Variants in ZNF277 observed in about 807,000 individuals in gnomAD.
ZNF277 encodes nuclear receptor-interacting factor 4.
ZNF277 carries 55 observed loss-of-function variants against 60.7 expected under a neutral mutation model. That is an observed-to-expected ratio of 0.91 (90% CI 0.73 to 1.13). The LOEUF is 1.13. ZNF277 is among the 50% of genes most tolerant of loss of function. The pLI, the probability that ZNF277 is intolerant of heterozygous loss-of-function variation, is 0.00. For synonymous variants in ZNF277, 178 were observed against 179.3 expected, an observed-to-expected ratio of 0.99 and a Z score of 0.06; for missense variants, 510 against 523.0, an observed-to-expected ratio of 0.98 and a Z score of 0.24.
chr7:112,319,551 G>A (rs2117113567), intron 5 of ZNF277, among the ~76,000 whole-genome samples: 1 of 151,444 alleles, frequency 6.6e-6, no homozygotes, highest in African/African-American at 2.4e-5. Flanking sequence ...GCAGTCTTTA[G>A]TGAAAACATA....
intron 8 of ZNF277, among the ~76,000 whole-genome samples, chr7:112,337,516 T>A (rs1232796641): frequency 6.6e-6 from 1 of 152,208 alleles, no homozygotes; most frequent in African/African-American, 2.4e-5. Flanking sequence ...GAACAGCACC[T>A]GTTCACTATG....
chr7:112,230,184 T>G (rs1822285253), intron 1 of ZNF277, among the ~76,000 whole-genome samples: 1 of 152,102 alleles, frequency 6.6e-6, no homozygotes, highest in Non-Finnish European at 1.5e-5. Flanking sequence ...CTCAGCACTC[T>G]GGGAGGCCAA....
At position 112,319,943 on chromosome 7, in the gene ZNF277, A is replaced by G. The variant is rs952239673; in HGVS notation, c.557+1670A>G. Reference sequence around the variant, plus strand: ...GCCACCATCAGAAAATTTACCAAACATTACTACTGACAATGTTTTAACAAA... The same window carrying G: ...GCCACCATCAGAAAATTTACCAAACGTTACTACTGACAATGTTTTAACAAA... On this transcript the variant is annotated intron_variant, in intron 5 of 11. Transcript: ENST00000361822. 1.4e-4 allele frequency among the ~76,000 whole-genome samples: 22 copies of G among 152,072 alleles called. No homozygotes were observed. The East Asian group carries it at 3.9e-3, about 27-fold the overall frequency.
At chr7:112,302,305 C>T (rs1277561107) in intron 4 of ZNF277, among the ~76,000 whole-genome samples, 1 of 152,062 alleles carries the variant, frequency 6.6e-6, no homozygotes, top group African/African-American at 2.4e-5. Context: ...GTATCTCCCA[C>T]TGAGAAGATT....
chr7:112,221,557 T>C (rs1174977455), intron 1 of ZNF277, among the ~76,000 whole-genome samples: 1 of 152,158 alleles, frequency 6.6e-6, no homozygotes, highest in African/African-American at 2.4e-5. Context: ...ATTATTAATA[T>C]TTACCATGAT....
rs754636532 is a variant in ZNF277, at chr7:112,296,227, A to G, written c.383-2A>G. On this transcript the variant is annotated splice_acceptor_variant, in intron 3 of 11. Coordinates refer to ENST00000361822, the MANE Select transcript of ZNF277 (RefSeq NM_021994.3). LOFTEE classifies it high-confidence loss of function. ...TTATTTGTTTTCCTAATCTCTCAAC[A>G]GAAGAACAAGAGAATTATTTTTTGT... 1.0e-5 allele frequency: 16 copies of G among 1,556,264 alleles called. No homozygotes were observed. Among genetic ancestry groups the G allele is most frequent in the Non-Finnish European group, 5.2e-6 (6 of 1,142,890 alleles).
intron 7 of ZNF277, among the ~76,000 whole-genome samples, chr7:112,335,399 G>A (rs1320368653): frequency 1.3e-5 from 2 of 152,088 alleles, no homozygotes; most frequent in South Asian, 4.1e-4. Context: ...AAAGAATTGG[G>A]CCAAAATAAA....
intron 4 of ZNF277, among the ~76,000 whole-genome samples, chr7:112,312,940 T>C (rs1273632060): frequency 6.6e-6 from 1 of 152,152 alleles, no homozygotes; most frequent in Non-Finnish European, 1.5e-5. Flanking sequence ...ATATTTAAAA[T>C]ATTTTTTTCA....
chr7:112,293,524 G>T (rs907385152), intron 2 of ZNF277, among the ~76,000 whole-genome samples: 1 of 149,958 alleles, frequency 6.7e-6, no homozygotes, highest in Non-Finnish European at 1.5e-5. Flanking sequence ...AGGTTGCAGA[G>T]AGCTGAGATC....
intron 4 of ZNF277, among the ~76,000 whole-genome samples, chr7:112,300,043 T>G (rs920153427): frequency 1.1e-4 from 16 of 152,216 alleles, no homozygotes; most frequent in African/African-American, 3.6e-4. Context: ...CCTATACTCC[T>G]AAGTTCATAT....
chr7:112,274,079 G>C (rs1338520688), intron 1 of ZNF277, among the ~76,000 whole-genome samples: 1 of 151,484 alleles, frequency 6.6e-6, no homozygotes, highest in Non-Finnish European at 1.5e-5. Context: ...AAAAGTTTGA[G>C]AAATTCACAT....
At chr7:112,334,402 CT>C (rs534868007) in intron 7 of ZNF277, among the ~76,000 whole-genome samples, 2,125 of 121,106 alleles carry the variant, frequency 0.018, 28 homozygotes, top group African/African-American at 0.052. Flanking sequence ...GAGTTATGTG[CT>C]TTTTTTTTTT....
intron 1 of ZNF277, among the ~76,000 whole-genome samples, chr7:112,212,172 T>G (rs1821766739): frequency 6.6e-6 from 1 of 152,252 alleles, no homozygotes; most frequent in Non-Finnish European, 1.5e-5. Flanking sequence ...AATTACATTT[T>G]TTAAAAGAAT....
intron 1 of ZNF277, among the ~76,000 whole-genome samples, chr7:112,258,141 G>A (rs1304272370): frequency 1.3e-5 from 2 of 152,086 alleles, no homozygotes; most frequent in Non-Finnish European, 2.9e-5. Context: ...AAATATATCA[G>A]TGAGGTAAAT....
At chr7:112,335,465 G>C (rs1793310857) in intron 7 of ZNF277, among the ~76,000 whole-genome samples, 1 of 152,118 alleles carries the variant, frequency 6.6e-6, no homozygotes, top group Non-Finnish European at 1.5e-5. Context: ...AGGCTTGCCA[G>C]ACATAGCGCC....
At chr7:112,306,445 C>A (rs948502161) in intron 4 of ZNF277, among the ~76,000 whole-genome samples, 7 of 152,052 alleles carry the variant, frequency 4.6e-5, no homozygotes, top group African/African-American at 1.7e-4. Flanking sequence ...GAACTCCTGA[C>A]CTCAGGTGAT....
At chr7:112,224,513 A>G (rs1363444319) in intron 1 of ZNF277, among the ~76,000 whole-genome samples, 1 of 152,170 alleles carries the variant, frequency 6.6e-6, no homozygotes, top group Non-Finnish European at 1.5e-5. Flanking sequence ...GGTTTGGGAG[A>G]TGGAAAATCA....
At chr7:112,250,334 C>T (rs1211852406) in intron 1 of ZNF277, among the ~76,000 whole-genome samples, 6 of 152,110 alleles carry the variant, frequency 3.9e-5, no homozygotes, top group Non-Finnish European at 7.4e-5. Context: ...CAGTGGTGCC[C>T]GGAACTTCAT....
At chr7:112,327,106 T>C (rs1452918160) in intron 5 of ZNF277, among the ~76,000 whole-genome samples, 1 of 152,214 alleles carries the variant, frequency 6.6e-6, no homozygotes, top group Non-Finnish European at 1.5e-5. Flanking sequence ...GTATTTTCTG[T>C]TAGGCAGTTG....
Sources: gnomAD v4.1 joint callset for allele counts (sites outside exome capture counted in the v4.1 genomes callset) on GRCh38, gnomAD v4.1.1 for gene constraint, MANE v1.5 for transcripts, NCBI Gene and HGNC (gene_info 2026-07-23, HGNC 2026-07-21) for gene names.